Variants in ATP8A1 observed in about 807,000 individuals in gnomAD.
ATP8A1 encodes the protein ATPase phospholipid transporting 8A1.
ATP8A1 carries 90 observed loss-of-function variants against 177.7 expected under a neutral mutation model. The observed-to-expected ratio is 0.51, with a 90% confidence interval of 0.43 to 0.60. The LOEUF is 0.60. Ranked by LOEUF, ATP8A1 falls within the 20% of genes least tolerant of loss-of-function variation. The pLI is 0.00. For missense variants in ATP8A1, 1,072 were observed against 1,392.8 expected (o/e 0.77, Z 3.67); for synonymous variants, 493 against 485.9 (o/e 1.01, Z -0.19).
rs543265484 is a variant in ATP8A1, at chr4:42,522,155, C to T, written c.1947+5G>A. 3.8e-5 allele frequency: 61 copies of T among 1,605,182 alleles called. No individual in the cohort carries two copies. The highest frequency in any genetic ancestry group is 2.7e-4 in the East Asian group (12 of 44,704). On this transcript the variant is annotated splice_donor_5th_base_variant and intron_variant, in intron 22 of 36. Transcript: ENST00000381668. ...TCTGTATGATCAACAGAATCATCCACGTACCTTTTCAATCAACTCATAACT... is the reference window on the plus strand; with the variant it reads ...TCTGTATGATCAACAGAATCATCCATGTACCTTTTCAATCAACTCATAACT...
intron 6 of ATP8A1, among the ~76,000 whole-genome samples, chr4:42,599,582 TG>T (rs1560504033): frequency 6.6e-6 from 1 of 152,276 alleles, no homozygotes; most frequent in Admixed American, 6.5e-5. Flanking sequence ...AATTTTTAAT[TG>T]GGGGGTACAA....
intron 15 of ATP8A1, chr4:42,561,889 C>T (rs1035092575): frequency 3.9e-5 from 6 of 152,348 alleles, no homozygotes; most frequent in Middle Eastern, 3.4e-3. Context: ...CTGTGCAATT[C>T]CATGACGTAT....
intron 25 of ATP8A1, among the ~76,000 whole-genome samples, chr4:42,475,921 C>A (rs1721013938): frequency 6.6e-6 from 1 of 151,958 alleles, no homozygotes; most frequent in South Asian, 2.1e-4. Context: ...CGCCTGTAAT[C>A]CCAGCTACTC....
At chr4:42,529,682 G>T (rs1057087300) in intron 20 of ATP8A1, among the ~76,000 whole-genome samples, 2 of 152,176 alleles carry the variant, frequency 1.3e-5, no homozygotes, top group African/African-American at 4.8e-5. Context: ...ACTAGGGCCT[G>T]GTTCACAGAT....
intron 4 of ATP8A1, among the ~76,000 whole-genome samples, chr4:42,618,095 A>G (rs1737094908): frequency 6.6e-6 from 1 of 152,222 alleles, no homozygotes; most frequent in African/African-American, 2.4e-5. Context: ...GCACACGAAT[A>G]AACTGTATTG....
rs1417057680 is a variant in ATP8A1 at position 42,455,351 on chromosome 4, C to T, written c.2763G>A (p.Leu921=). The T allele has an allele frequency of 6.2e-7, 1 of 1,613,878 alleles. No homozygotes were observed. Among genetic ancestry groups the T allele is most frequent in the Admixed American group, 1.7e-5 (1 of 60,018 alleles). The stretch of plus-strand genomic sequence containing the variant: ...ATGTTTTGTATAATTCAGGGTACTT[C>T]AACATGTTCTCTTTTCTGCATGATC... ...FERSCRKENM[L]KYPELYKTSQ... is the part of the protein sequence containing the mutation. Residue 921 remains leucine, a synonymous_variant, in exon 29 of 37, where the codon TTG becomes TTA. Transcript: ENST00000381668.
At chr4:42,456,779 T>G (rs1718535127) in intron 27 of ATP8A1, among the ~76,000 whole-genome samples, 1 of 152,180 alleles carries the variant, frequency 6.6e-6, no homozygotes, top group Non-Finnish European at 1.5e-5. Flanking sequence ...GAGAGCGGTC[T>G]TGACATGCGG....
intron 25 of ATP8A1, among the ~76,000 whole-genome samples, chr4:42,465,771 G>A (rs1719674493): frequency 6.6e-6 from 1 of 152,134 alleles, no homozygotes; most frequent in Admixed American, 6.6e-5. Flanking sequence ...GGTGGCTCAT[G>A]CCTGTAATCC....
chr4:42,469,998 T>C (rs1239801828), intron 25 of ATP8A1, among the ~76,000 whole-genome samples: 1 of 152,252 alleles, frequency 6.6e-6, no homozygotes, highest in Non-Finnish European at 1.5e-5. Context: ...ATAAAGGCAC[T>C]GTTTTCTTCC....
rs145312317 is a variant in ATP8A1 at position 42,558,778 on chromosome 4, A to T, written c.1341-2738T>A. ...CTAAAGATATGTGAAACATTTTTTT[A>T]AAAAAAACTTAGGAATGGAAAAAGC... is the stretch of plus-strand genomic sequence containing the variant. On this transcript the variant is annotated intron_variant, in intron 15 of 36. Transcript: ENST00000381668. 9.5e-3 allele frequency among the ~76,000 whole-genome samples: 1,447 copies of T among 152,138 alleles called. 16 individuals carry two copies. The highest frequency in any genetic ancestry group is 0.03 in the African/African-American group (1,233 of 41,520).
At chr4:42,596,521 G>T (rs1734727459) in intron 6 of ATP8A1, among the ~76,000 whole-genome samples, 1 of 151,982 alleles carries the variant, frequency 6.6e-6, no homozygotes, top group African/African-American at 2.4e-5. Context: ...ACAAAAATTA[G>T]CTGGGCATGG....
chr4:42,512,753 G>A (rs1029957240), intron 22 of ATP8A1, among the ~76,000 whole-genome samples: 2 of 152,124 alleles, frequency 1.3e-5, no homozygotes, highest in African/African-American at 4.8e-5. Flanking sequence ...TATTAACACA[G>A]AATGCTGGGC....
chr4:42,461,144 G>T (rs540000698), intron 27 of ATP8A1, among the ~76,000 whole-genome samples: 1 of 151,588 alleles, frequency 6.6e-6, no homozygotes, highest in South Asian at 2.1e-4. Flanking sequence ...GATGAAGGAT[G>T]TAAAATGTCT....
chr4:42,582,072 G>A (rs1733145186), intron 9 of ATP8A1, among the ~76,000 whole-genome samples: 1 of 152,158 alleles, frequency 6.6e-6, no homozygotes, highest in Non-Finnish European at 1.5e-5. Flanking sequence ...AAGAGGTCAT[G>A]AGGGTTGGGT....
At chr4:42,596,287 A>G (rs1734703699) in intron 6 of ATP8A1, among the ~76,000 whole-genome samples, 1 of 152,212 alleles carries the variant, frequency 6.6e-6, no homozygotes, top group African/African-American at 2.4e-5. Flanking sequence ...TCAGTCCACT[A>G]CCTACAGCCT....
At chr4:42,609,370 G>A (rs777635398) in intron 5 of ATP8A1, among the ~76,000 whole-genome samples, 5 of 152,090 alleles carry the variant, frequency 3.3e-5, no homozygotes, top group Admixed American at 1.3e-4. Context: ...CGATGTGATC[G>A]GAGCACAAAG....
At chr4:42,513,222 T>C (rs946272284) in intron 22 of ATP8A1, among the ~76,000 whole-genome samples, 2 of 152,174 alleles carry the variant, frequency 1.3e-5, no homozygotes, top group African/African-American at 4.8e-5. Context: ...ACCAATTCTC[T>C]TTCTTTTCCT....
chr4:42,559,142 TA>T (rs1038132451), intron 15 of ATP8A1, among the ~76,000 whole-genome samples: 1 of 152,166 alleles, frequency 6.6e-6, no homozygotes, highest in African/African-American at 2.4e-5. Flanking sequence ...GCTATGATGG[TA>T]CCACTGCACT....
intron 33 of ATP8A1, among the ~76,000 whole-genome samples, chr4:42,442,895 T>C (rs543120242): frequency 1.3e-5 from 2 of 152,316 alleles, no homozygotes; most frequent in South Asian, 2.1e-4. Context: ...TTATACATTT[T>C]ATGTCAAATT....
Sources: gnomAD v4.1 joint callset for allele counts (sites outside exome capture counted in the v4.1 genomes callset) on GRCh38, gnomAD v4.1.1 for gene constraint, MANE v1.5 for transcripts, NCBI Gene and HGNC (gene_info 2026-07-23, HGNC 2026-07-21) for gene names.